LHFPL3: variants seen among roughly 807,000 people sequenced by gnomAD.
The protein encoded by LHFPL3 is LHFPL tetraspan subfamily member 3, also known as LHFPL tetraspan subfamily member 3 protein.
LHFPL3 carries 5 observed loss-of-function variants against 19.3 expected under a neutral mutation model. That is an observed-to-expected ratio of 0.26 (90% CI 0.14 to 0.54). The LOEUF (loss-of-function observed/expected upper bound fraction) is 0.54, where lower values mean the gene tolerates loss of function less well. Ranked by LOEUF, LHFPL3 falls within the 20% of genes least tolerant of loss-of-function variation. LHFPL3 has a pLI of 0.94. For synonymous variants in LHFPL3, 133 were observed against 126.2 expected (o/e 1.05, Z -0.36); for missense variants, 249 against 307.4 (o/e 0.81, Z 1.42).
rs750004242 is a variant in LHFPL3 at position 104,832,040 on chromosome 7, TTTC to T, written c.683-74139_683-74137del. On this transcript the variant is annotated intron_variant, in intron 2 of 2. Coordinates refer to ENST00000424859, the MANE Select transcript of LHFPL3 (RefSeq NM_199000.3). ...GCACTATGTAAAATTTGCAACCTCC[TTTC>T]TTCTTCTATTTTCCTGTCCCAAGCT... Among the ~76,000 whole-genome samples the T allele has an allele frequency of 2.0e-5, 3 of 151,972 alleles. 1 individual carries two copies. The highest frequency in any genetic ancestry group is 4.8e-5 in the African/African-American group (2 of 41,238).
intron 2 of LHFPL3, among the ~76,000 whole-genome samples, chr7:104,864,192 C>T (rs59672048): frequency 6.6e-6 from 1 of 152,232 alleles, no homozygotes; most frequent in Non-Finnish European, 1.5e-5. Context: ...ATGAGCAACA[C>T]AGAAGATGGG....
chr7:104,824,070 C>T (rs868862432), intron 2 of LHFPL3, among the ~76,000 whole-genome samples: 6 of 135,184 alleles, frequency 4.4e-5, no homozygotes, highest in Admixed American at 1.7e-4. Flanking sequence ...CACTTGAACC[C>T]GGGAGGCAGA....
At position 104,708,798 on chromosome 7, in the gene LHFPL3, C is replaced by T. The variant is rs76121396; in HGVS notation, c.446-27877C>T. ...ATTATATGTTGTTACACTTGATAGCCTCTGTCTCCCTTTTTTCCTCATGTT... is the reference window on the plus strand; with the variant it reads ...ATTATATGTTGTTACACTTGATAGCTTCTGTCTCCCTTTTTTCCTCATGTT... On this transcript the variant is annotated intron_variant, in intron 1 of 2. Transcript: ENST00000424859. 2.2e-3 allele frequency among the ~76,000 whole-genome samples: 340 copies of T among 152,252 alleles called. 2 individuals carry two copies. Among genetic ancestry groups the T allele is most frequent in the African/African-American group, 7.8e-3 (325 of 41,554 alleles).
At chr7:104,667,879 C>T (rs1792386728) in intron 1 of LHFPL3, 6 of 1,612,260 alleles carry the variant, frequency 3.7e-6, no homozygotes, top group Admixed American at 3.3e-5. Flanking sequence ...GCTGATGAAA[C>T]GGATGACCTG....
chr7:104,577,118 T>A (rs559370002), intron 1 of LHFPL3, among the ~76,000 whole-genome samples: 1 of 152,212 alleles, frequency 6.6e-6, no homozygotes, highest in Admixed American at 6.5e-5. Flanking sequence ...ATTGATTCAG[T>A]CAATACACAT....
At chr7:104,830,440 G>T (rs200080418) in intron 2 of LHFPL3, among the ~76,000 whole-genome samples, 1 of 151,850 alleles carries the variant, frequency 6.6e-6, no homozygotes, top group Non-Finnish European at 1.5e-5. Flanking sequence ...GCCTAGGTTT[G>T]CTTCTAGGGT....
rs80339855 is a variant in LHFPL3 at position 104,480,683 on chromosome 7, A to C, written c.445+151459A>C. 1.8e-3 allele frequency among the ~76,000 whole-genome samples: 275 copies of C among 152,306 alleles called. 4 individuals carry two copies. The East Asian group carries it at 0.052, about 29-fold the overall frequency. On this transcript the variant is annotated intron_variant, in intron 1 of 2. Coordinates refer to ENST00000424859, the MANE Select transcript of LHFPL3 (RefSeq NM_199000.3). Reference sequence around the variant, plus strand: ...GAAAAAAAATAACAAATTGTGGAACATATCCACTATTGTTCTATACACAGT... The same window carrying C: ...GAAAAAAAATAACAAATTGTGGAACCTATCCACTATTGTTCTATACACAGT...
At chr7:104,751,338 T>C (rs1485958298) in intron 2 of LHFPL3, among the ~76,000 whole-genome samples, 1 of 151,726 alleles carries the variant, frequency 6.6e-6, no homozygotes, top group African/African-American at 2.4e-5. Context: ...TAGGGCTCTT[T>C]TGAACCTTGT....
chr7:104,611,419 G>T (rs1442152493), intron 1 of LHFPL3, among the ~76,000 whole-genome samples: 2 of 152,168 alleles, frequency 1.3e-5, no homozygotes, highest in Non-Finnish European at 2.9e-5. Flanking sequence ...GAGGGATCCA[G>T]GCAGGAAATA....
chr7:104,722,916 T>C (rs1204144030), intron 1 of LHFPL3, among the ~76,000 whole-genome samples: 2 of 152,192 alleles, frequency 1.3e-5, no homozygotes, highest in South Asian at 4.1e-4. Context: ...TTAGACTTTC[T>C]CCTTCTGTTA....
At chr7:104,550,917 TCAAA>T (rs1794651062) in intron 1 of LHFPL3, among the ~76,000 whole-genome samples, 1 of 152,190 alleles carries the variant, frequency 6.6e-6, no homozygotes, top group Admixed American at 6.5e-5. Flanking sequence ...TGAAATCCCT[TCAAA>T]CAATCTTCTT....
intron 1 of LHFPL3, among the ~76,000 whole-genome samples, chr7:104,570,704 G>A (rs1196965233): frequency 6.6e-6 from 1 of 151,652 alleles, no homozygotes; most frequent in Non-Finnish European, 1.5e-5. Context: ...TTTTATTTTA[G>A]GTTCGGGGGT....
chr7:104,871,385 C>A (rs1385519542), intron 2 of LHFPL3, among the ~76,000 whole-genome samples: 1 of 152,078 alleles, frequency 6.6e-6, no homozygotes, highest in Non-Finnish European at 1.5e-5. Context: ...ATAGAGCTGG[C>A]AGGACTGGAA....
intron 1 of LHFPL3, among the ~76,000 whole-genome samples, chr7:104,594,720 G>T (rs1033721500): frequency 3.3e-5 from 5 of 152,134 alleles, no homozygotes; most frequent in Non-Finnish European, 7.4e-5. Context: ...ATATTCCTTG[G>T]AGGCTTTGTT....
At chr7:104,455,999 T>C (rs770828557) in intron 1 of LHFPL3, among the ~76,000 whole-genome samples, 3 of 152,206 alleles carry the variant, frequency 2.0e-5, no homozygotes, top group South Asian at 4.1e-4. Context: ...ATAGAGCACC[T>C]GAGTACCAGA....
At chr7:104,334,295 G>A (rs1963293) in intron 1 of LHFPL3, among the ~76,000 whole-genome samples, 1 of 151,998 alleles carries the variant, frequency 6.6e-6, no homozygotes, top group African/African-American at 2.4e-5. Context: ...ACCTGTAATC[G>A]CAGCACTTTG....
At chr7:104,574,812 A>G (rs1336823023) in intron 1 of LHFPL3, among the ~76,000 whole-genome samples, 1 of 152,148 alleles carries the variant, frequency 6.6e-6, no homozygotes, top group African/African-American at 2.4e-5. Flanking sequence ...GATACTGGCA[A>G]TATTTTATAG....
intron 2 of LHFPL3, among the ~76,000 whole-genome samples, chr7:104,797,238 A>C (rs940703978): frequency 6.6e-6 from 1 of 152,190 alleles, no homozygotes; most frequent in Non-Finnish European, 1.5e-5. Context: ...ATCATCACTA[A>C]TGCTGTTCAC....
At chr7:104,825,327 T>C (rs1280010182) in intron 2 of LHFPL3, among the ~76,000 whole-genome samples, 1 of 151,810 alleles carries the variant, frequency 6.6e-6, no homozygotes, top group Non-Finnish European at 1.5e-5. Context: ...GTACAGAATG[T>C]GCCATCACAC....
Sources: gnomAD v4.1 joint callset for allele counts (sites outside exome capture counted in the v4.1 genomes callset) on GRCh38, gnomAD v4.1.1 for gene constraint, MANE v1.5 for transcripts, NCBI Gene and HGNC (gene_info 2026-07-23, HGNC 2026-07-21) for gene names.